IQCK: variants seen among roughly 807,000 people sequenced by gnomAD.
IQCK encodes the protein IQ motif containing K.
A neutral mutation model predicts 28.1 loss-of-function variants in IQCK; 29 were observed. The ratio of observed to expected loss-of-function variants is 1.03; its 90% confidence interval spans 0.77 to 1.41. The LOEUF is 1.41. IQCK is among the 40% of genes most tolerant of loss of function. The pLI, the probability that IQCK is intolerant of heterozygous loss-of-function variation, is 0.00. For missense variants in IQCK, 359 were observed against 314.7 expected, an observed-to-expected ratio of 1.14 and a Z score of -1.07; for synonymous variants, 113 against 115.1, an observed-to-expected ratio of 0.98 and a Z score of 0.12.
intron 1 of IQCK, among the ~76,000 whole-genome samples, chr16:19,723,049 T>A (rs535050443): frequency 6.6e-6 from 1 of 152,180 alleles, no homozygotes; most frequent in East Asian, 1.9e-4. Flanking sequence ...ACACTCTCAT[T>A]TGCCAGTCCT....
intron 7 of IQCK, among the ~76,000 whole-genome samples, chr16:19,809,202 G>A (rs972397580): frequency 4.6e-5 from 7 of 152,190 alleles, no homozygotes; most frequent in Non-Finnish European, 1.0e-4. Flanking sequence ...CCAGGGCAAA[G>A]TTTAAGGGTA....
At chr16:19,803,267 G>A (rs556288277) in intron 7 of IQCK, among the ~76,000 whole-genome samples, 2 of 152,012 alleles carry the variant, frequency 1.3e-5, no homozygotes, top group South Asian at 2.1e-4. Context: ...CTCAGCCTCC[G>A]GAGTAGCTGG....
chr16:19,769,331 A>G (rs749073285), intron 6 of IQCK, among the ~76,000 whole-genome samples: 21 of 152,250 alleles, frequency 1.4e-4, no homozygotes, highest in Non-Finnish European at 2.4e-4. Context: ...TTTTAAAAGC[A>G]TCACAGCATG....
chr16:19,784,427 T>G (rs2055535311), intron 6 of IQCK, among the ~76,000 whole-genome samples: 1 of 152,164 alleles, frequency 6.6e-6, no homozygotes, highest in African/African-American at 2.4e-5. Flanking sequence ...GTTTCAACTC[T>G]CAAGAAAGGG....
At chr16:19,835,259 G>GAA (rs1245614490) in intron 9 of IQCK, among the ~76,000 whole-genome samples, 20 of 151,968 alleles carry the variant, frequency 1.3e-4, no homozygotes, top group Admixed American at 7.9e-4. Flanking sequence ...CTCTAGCCTG[G>GAA]GTGACAGAGC....
chr16:19,773,798 A>C (rs949213266), intron 6 of IQCK, among the ~76,000 whole-genome samples: 2 of 152,222 alleles, frequency 1.3e-5, no homozygotes, highest in South Asian at 2.1e-4. Flanking sequence ...AAGCAAAAAA[A>C]CCAACATAAT....
chr16:19,769,015 C>T (rs2055281641), intron 6 of IQCK, among the ~76,000 whole-genome samples: 1 of 152,108 alleles, frequency 6.6e-6, no homozygotes, highest in East Asian at 1.9e-4. Flanking sequence ...GCTGGAGGTT[C>T]TGCTTTTAAG....
intron 4 of IQCK, among the ~76,000 whole-genome samples, chr16:19,748,242 T>A (rs1230986498): frequency 2.0e-5 from 3 of 151,874 alleles, no homozygotes; most frequent in Admixed American, 2.0e-4. Flanking sequence ...TCCCAGCTAA[T>A]TTTTATGTTT....
At chr16:19,823,935 A>AAAAAAAAT (rs1555455159) in intron 7 of IQCK, among the ~76,000 whole-genome samples, 1 of 146,450 alleles carries the variant, frequency 6.8e-6, no homozygotes, top group African/African-American at 2.6e-5. Flanking sequence ...TCCCTCTTAA[A>AAAAAAAAT]AAATAAATAA....
At chr16:19,728,465 G>T (rs1425416953) in intron 1 of IQCK, among the ~76,000 whole-genome samples, 1 of 152,076 alleles carries the variant, frequency 6.6e-6, no homozygotes, top group Non-Finnish European at 1.5e-5. Flanking sequence ...AACCACTCTG[G>T]TCTCAAACTC....
chr16:19,849,444 A>G (rs567697323), intron 9 of IQCK, among the ~76,000 whole-genome samples: 1 of 152,138 alleles, frequency 6.6e-6, no homozygotes, highest in East Asian at 1.9e-4. Context: ...TAAAAATTTT[A>G]AAAAGTAAAC....
At chr16:19,784,021 C>T (rs1288075234) in intron 6 of IQCK, among the ~76,000 whole-genome samples, 1 of 152,108 alleles carries the variant, frequency 6.6e-6, no homozygotes, top group East Asian at 1.9e-4. Flanking sequence ...ATACTTAAAG[C>T]AGGAAAATTG....
At chr16:19,805,747 A>G (rs1353739518) in intron 7 of IQCK, among the ~76,000 whole-genome samples, 3 of 152,196 alleles carry the variant, frequency 2.0e-5, no homozygotes, top group Non-Finnish European at 2.9e-5. Context: ...CAGGCATTGC[A>G]GTAAAGAAAG....
intron 4 of IQCK, among the ~76,000 whole-genome samples, chr16:19,745,347 T>C (rs748074386): frequency 2.0e-5 from 3 of 152,196 alleles, no homozygotes; most frequent in Non-Finnish European, 4.4e-5. Flanking sequence ...AATGACCCAG[T>C]ACTGCCAAAT....
At chr16:19,828,863 T>C (rs1197056077), downstream of IQCK, among the ~76,000 whole-genome samples, 1 of 134,748 alleles carries the variant, frequency 7.4e-6, no homozygotes, top group African/African-American at 3.2e-5. Context: ...AAAAAATATA[T>C]ATATATATAA....
intron 7 of IQCK, among the ~76,000 whole-genome samples, chr16:19,822,067 CAAA>C (rs35060834): frequency 1.5e-5 from 1 of 64,624 alleles, no homozygotes; most frequent in Non-Finnish European, 3.2e-5. Flanking sequence ...GACCCTGTCT[CAAA>C]AAAAAAAAAA....
At chr16:19,830,973 AC>A (rs1173642473), downstream of IQCK, among the ~76,000 whole-genome samples, 3 of 152,158 alleles carry the variant, frequency 2.0e-5, no homozygotes, top group African/African-American at 7.2e-5. Flanking sequence ...TTCATGTAGG[AC>A]CGTGTTTGTC....
chr16:19,733,158 A>G (rs1290947185), intron 2 of IQCK, among the ~76,000 whole-genome samples: 1 of 147,870 alleles, frequency 6.8e-6, no homozygotes, highest in African/African-American at 2.5e-5. Flanking sequence ...TTTTTTTGAG[A>G]TGGAGTTTCA....
intron 7 of IQCK, among the ~76,000 whole-genome samples, chr16:19,803,913 G>T (rs2055797225): frequency 6.6e-6 from 1 of 152,198 alleles, no homozygotes; most frequent in Non-Finnish European, 1.5e-5. Context: ...CCCCCAAAGT[G>T]CTGGGATGAC....
Sources: gnomAD v4.1 joint callset for allele counts (sites outside exome capture counted in the v4.1 genomes callset) on GRCh38, gnomAD v4.1.1 for gene constraint, MANE v1.5 for transcripts, NCBI Gene and HGNC (gene_info 2026-07-23, HGNC 2026-07-21) for gene names.